Variants in LRFN2 observed in about 807,000 individuals in gnomAD.
The protein encoded by LRFN2 is leucine-rich repeat and fibronectin type-III domain-containing protein 2.
Under a neutral mutation model 37.3 loss-of-function variants are expected in LRFN2, and 18 were observed. The ratio of observed to expected loss-of-function variants is 0.48; its 90% CI spans 0.33 to 0.72. The LOEUF is 0.72. Ranked by LOEUF, LRFN2 falls within the 30% of genes least tolerant of loss-of-function variation. The pLI, the probability that LRFN2 is intolerant of heterozygous loss-of-function variation, is 0.02. For missense variants in LRFN2, 1,006 were observed against 1,060.7 expected (o/e 0.95, Z 0.72); for synonymous variants, 556 against 466.6 (o/e 1.19, Z -2.47).
intron 2 of LRFN2, among the ~76,000 whole-genome samples, chr6:40,393,265 G>A (rs1052799667): frequency 6.6e-6 from 1 of 151,900 alleles, no homozygotes; most frequent in African/African-American, 2.4e-5. Flanking sequence ...GGTGAGAGAG[G>A]GAGATTCAGA....
intron 1 of LRFN2, among the ~76,000 whole-genome samples, chr6:40,498,690 A>T (rs1765296452): frequency 6.6e-6 from 1 of 152,172 alleles, no homozygotes; most frequent in East Asian, 1.9e-4. Context: ...AGCTGTACAC[A>T]ATCACTATTT....
At chr6:40,460,553 A>G (rs560981182) in intron 1 of LRFN2, among the ~76,000 whole-genome samples, 9 of 152,364 alleles carry the variant, frequency 5.9e-5, no homozygotes, top group African/African-American at 2.2e-4. Context: ...TGCCTGCTGT[A>G]GAAATGCAAA....
At chr6:40,416,537 G>A (rs1042519119) in intron 2 of LRFN2, among the ~76,000 whole-genome samples, 4 of 152,158 alleles carry the variant, frequency 2.6e-5, no homozygotes, top group African/African-American at 9.7e-5. Context: ...TGGTTTGAGA[G>A]TAGCAAGCAT....
At chr6:40,443,237 C>A (rs1763885629) in intron 1 of LRFN2, among the ~76,000 whole-genome samples, 1 of 152,152 alleles carries the variant, frequency 6.6e-6, no homozygotes, top group Non-Finnish European at 1.5e-5. Context: ...AACCAAGATA[C>A]ACAGAAACAA....
chr6:40,550,066 T>G (rs1766742247), intron 1 of LRFN2, among the ~76,000 whole-genome samples: 1 of 151,904 alleles, frequency 6.6e-6, no homozygotes, highest in Non-Finnish European at 1.5e-5. Flanking sequence ...ATAAATAAAC[T>G]CTCTTACTCT....
chr6:40,513,854 TG>T (rs768610018), intron 1 of LRFN2, among the ~76,000 whole-genome samples: 10 of 150,238 alleles, frequency 6.7e-5, no homozygotes, highest in Non-Finnish European at 1.0e-4. Context: ...AAAAAGTGAG[TG>T]GGAGCCCACC....
intron 1 of LRFN2, among the ~76,000 whole-genome samples, chr6:40,490,013 G>T (rs752195690): frequency 6.6e-6 from 1 of 152,172 alleles, no homozygotes; most frequent in African/African-American, 2.4e-5. Flanking sequence ...TGCAGCAGAG[G>T]GAGGGCCGCC....
intron 1 of LRFN2, among the ~76,000 whole-genome samples, chr6:40,532,186 C>G (rs1331402535): frequency 6.6e-6 from 1 of 152,180 alleles, no homozygotes; most frequent in Non-Finnish European, 1.5e-5. Flanking sequence ...AGCTGCCTTC[C>G]CCTTTGCCTG....
intron 1 of LRFN2, among the ~76,000 whole-genome samples, chr6:40,491,728 G>T (rs1765102339): frequency 8.7e-6 from 1 of 114,678 alleles, no homozygotes; most frequent in Admixed American, 8.9e-5. Context: ...CCGTGTGACT[G>T]TGGGTAGGTA....
chr6:40,493,320 C>A (rs967719302), intron 1 of LRFN2, among the ~76,000 whole-genome samples: 14 of 152,282 alleles, frequency 9.2e-5, no homozygotes, highest in Admixed American at 8.5e-4. Flanking sequence ...CTGACTTGAA[C>A]CCTGACTCAT....
chr6:40,444,876 T>A (rs2113837112), intron 1 of LRFN2, among the ~76,000 whole-genome samples: 1 of 151,498 alleles, frequency 6.6e-6, no homozygotes, highest in Middle Eastern at 3.4e-3. Flanking sequence ...GCTTCTCCAT[T>A]TCCTCCTGCC....
At chr6:40,560,589 A>T (rs1020145275) in intron 1 of LRFN2, among the ~76,000 whole-genome samples, 2 of 152,090 alleles carry the variant, frequency 1.3e-5, no homozygotes, top group Admixed American at 1.3e-4. Flanking sequence ...ACTCACATCA[A>T]ATCAGATCTG....
At chr6:40,545,707 G>A (rs1430228976) in intron 1 of LRFN2, among the ~76,000 whole-genome samples, 2 of 152,012 alleles carry the variant, frequency 1.3e-5, no homozygotes, top group African/African-American at 2.4e-5. Flanking sequence ...AAGTAAGGGA[G>A]CAGAGAAAGA....
chr6:40,415,450 T>C (rs183689543), intron 2 of LRFN2, among the ~76,000 whole-genome samples: 1 of 152,242 alleles, frequency 6.6e-6, no homozygotes, highest in African/African-American at 2.4e-5. Flanking sequence ...GGTCTTGAAC[T>C]CCTGACCTCA....
At chr6:40,426,589 C>T (rs1296304623) in intron 2 of LRFN2, among the ~76,000 whole-genome samples, 1 of 152,182 alleles carries the variant, frequency 6.6e-6, no homozygotes, top group Non-Finnish European at 1.5e-5. Context: ...AAGGCTGTTG[C>T]TGTTGGAATT....
intron 1 of LRFN2, among the ~76,000 whole-genome samples, chr6:40,574,425 C>T (rs183914066): frequency 6.6e-6 from 1 of 152,144 alleles, no homozygotes; most frequent in Admixed American, 6.5e-5. Context: ...ATTCCTCTCA[C>T]ATATCAACTG....
At chr6:40,541,801 C>A (rs1465786165) in intron 1 of LRFN2, among the ~76,000 whole-genome samples, 1 of 152,232 alleles carries the variant, frequency 6.6e-6, no homozygotes, top group African/African-American at 2.4e-5. Flanking sequence ...TCTGCCAGGG[C>A]AGCCACAGCC....
rs768059418 is a variant in LRFN2, at chr6:40,392,118, G to A, written c.2195C>T (p.Ala732Val). 15 of 1,612,812 alleles carry A rather than the reference G, an allele frequency of 9.3e-6. No individual in the cohort carries two copies. The highest frequency in any genetic ancestry group is 2.2e-5 in the South Asian group (2 of 90,852). The change falls in exon 3 of 3, where the codon GCG becomes GTG. Residue 732 changes from alanine to valine, a missense_variant. Physicochemically the swap from Ala to Val is moderately conservative, Grantham distance 64. Coordinates refer to ENST00000338305, the MANE Select transcript of LRFN2 (RefSeq NM_020737.3). The surrounding 1 kb of genome is among the most constrained non-coding windows in gnomAD (Gnocchi z 4.7). ...HSFDMGDFAA[A>V]AAGGVVPGGY... ...GCCCGGCACGACCCCTCCCGCCGCC[G>A]CAGCAGCAAAGTCCCCCATGTCGAA...
intron 1 of LRFN2, among the ~76,000 whole-genome samples, chr6:40,544,927 G>T (rs1766629145): frequency 6.6e-6 from 1 of 152,212 alleles, no homozygotes; most frequent in Admixed American, 6.5e-5. Context: ...TAGGATAATG[G>T]CAACTGAACA....
Sources: gnomAD v4.1 joint callset for allele counts (sites outside exome capture counted in the v4.1 genomes callset) on GRCh38, gnomAD v4.1.1 for gene constraint, Gnocchi (gnomAD v3.1) non-coding constraint, MANE v1.5 for transcripts, NCBI Gene and HGNC (gene_info 2026-07-23, HGNC 2026-07-21) for gene names.